DHX37: variants seen among roughly 807,000 people sequenced by gnomAD.
DHX37 encodes the protein DEAH-box helicase 37.
In DHX37, 52 loss-of-function variants were observed where a neutral mutation model predicts 134.3. The ratio of observed to expected loss-of-function variants is 0.39; its 90% CI spans 0.31 to 0.49. The LOEUF (loss-of-function observed/expected upper bound fraction) is 0.49, where lower values mean the gene tolerates loss of function less well. DHX37 is among the 20% of genes least tolerant of loss of function. The probability of loss-of-function intolerance (pLI) is 0.93; values close to 1 mark genes in which losing one functional copy is unlikely to be tolerated. For missense variants in DHX37, 1,344 were observed against 1,580.8 expected (o/e 0.85, Z 2.54); for synonymous variants, 634 against 670.7 (o/e 0.95, Z 0.85).
At chr12:124,981,713 G>A (rs920102701) in intron 3 of DHX37, among the ~76,000 whole-genome samples, 12 of 151,874 alleles carry the variant, frequency 7.9e-5, no homozygotes, top group African/African-American at 2.7e-4. Context: ...AGGATTACAG[G>A]TATGAGCCAC....
chr12:124,976,641 A>T (rs182990770), intron 5 of DHX37, among the ~76,000 whole-genome samples: 2,580 of 152,212 alleles, frequency 0.017, 70 homozygotes, highest in African/African-American at 0.059. Flanking sequence ...CATCCCGGCT[A>T]ACATGGTGAA....
intron 18 of DHX37, among the ~76,000 whole-genome samples, chr12:124,954,895 TATC>T (rs772932267): frequency 6.6e-6 from 1 of 152,184 alleles, no homozygotes; most frequent in African/African-American, 2.4e-5. Flanking sequence ...TTATTATCAT[TATC>T]ATCATCCCCA....
intron 12 of DHX37, among the ~76,000 whole-genome samples, chr12:124,966,322 T>C (rs1954386659): frequency 6.6e-6 from 1 of 152,158 alleles, no homozygotes; most frequent in Non-Finnish European, 1.5e-5. Flanking sequence ...CCTGCCTCAG[T>C]CTCCCAAAGT....
Position 124,980,350 on chromosome 12 carries a change from G to A in DHX37, c.738+140C>T, listed in dbSNP as rs1954731943. 4.1e-6 allele frequency: 4 copies of A among 983,256 alleles called. No individual in the cohort carries two copies. In the South Asian group the frequency reaches 7.1e-5, roughly 17 times the overall value. The allele number at this position is 983,256 out of a possible 1,614,324, so 60.9% of individuals were successfully genotyped here. A position where few individuals can be genotyped will look rare whatever the true frequency, so the allele number is the denominator to read the frequency against. On this transcript the variant is annotated intron_variant, in intron 4 of 26. Transcript: ENST00000308736. The surrounding 1 kb of genome is among the most constrained non-coding windows in gnomAD (Gnocchi z 5.3). ...AATCCCTGCCACAGCCTCAAGGGAG[G>A]CGCAGTCACTCTCCCCTTTCCCAGA... is the stretch of plus-strand genomic sequence containing the variant.
At chr12:124,975,258 G>A (rs1200251274) in intron 6 of DHX37, among the ~76,000 whole-genome samples, 161 bp downstream of exon 6, 2 of 152,166 alleles carry the variant, frequency 1.3e-5, no homozygotes, top group Non-Finnish European at 2.9e-5. Context: ...GGCAGGTCCT[G>A]GAAAGTTCTC....
chr12:124,954,271 G>C (rs370360134), intron 18 of DHX37, 60 bp from the exon 19 acceptor site: 10 of 1,513,288 alleles, frequency 6.6e-6, no homozygotes, highest in East Asian at 4.6e-5. Context: ...GGGCCTCAGC[G>C]GGGGGAACTC....
chr12:124,984,522 A>G (rs1954826742), intron 2 of DHX37, among the ~76,000 whole-genome samples: 2 of 152,296 alleles, frequency 1.3e-5, no homozygotes, highest in South Asian at 4.1e-4. Flanking sequence ...AACAAGAGCA[A>G]AACTCCATCT....
chr12:124,962,238 T>C (rs533068912), intron 15 of DHX37, among the ~76,000 whole-genome samples: 20 of 151,996 alleles, frequency 1.3e-4, no homozygotes, highest in Admixed American at 3.9e-4. Context: ...ACAAAAATAT[T>C]AAAAATAAGT....
chr12:124,961,199 CAT>C (rs1376339708), intron 15 of DHX37, among the ~76,000 whole-genome samples: 2 of 117,128 alleles, frequency 1.7e-5, no homozygotes, highest in African/African-American at 5.9e-5. Flanking sequence ...CACACACACA[CAT>C]ACACGTGTGC....
chr12:124,952,424 C>T lies in DHX37; in HGVS notation c.2842G>A (p.Glu948Lys), dbSNP rs1953993264. Residue 948 changes from glutamate to lysine, a missense_variant, in exon 21 of 27, where the codon GAG becomes AAG. Glu to Lys is a moderately conservative substitution (Grantham distance 56). Transcript: ENST00000308736. ...ARRVQSEEML[E>K]DKWRNAYKTP... ...TTGTAGGCGTTCCTCCACTTGTCCT[C>T]CAGCATCTCCTCGCTCTGGACCCTG... The T allele has an allele frequency of 1.9e-6, 3 of 1,610,640 alleles. No individual in the cohort carries two copies. Among genetic ancestry groups the T allele is most frequent in the South Asian group, 1.1e-5 (1 of 90,800 alleles).
chr12:124,987,757 CA>C (rs751494912), intron 1 of DHX37, among the ~76,000 whole-genome samples: 1 of 152,192 alleles, frequency 6.6e-6, no homozygotes, highest in Non-Finnish European at 1.5e-5. Flanking sequence ...GCTTTAGGAA[CA>C]TCTGTATTCT....
chr12:124,964,181 G>A (rs539364904), intron 15 of DHX37, among the ~76,000 whole-genome samples: 3 of 116,924 alleles, frequency 2.6e-5, no homozygotes, highest in East Asian at 6.9e-4. Context: ...GGTGACAAGA[G>A]TGAAACTCCA....
In DHX37 at chr12:124,988,992, T is replaced by C; in HGVS notation, c.31A>G (p.Lys11Glu). 1 of 1,369,972 alleles carries C rather than the reference T, an allele frequency of 7.3e-7. No individual in the cohort carries two copies. Among genetic ancestry groups the C allele is most frequent in the Non-Finnish European group, 9.5e-7 (1 of 1,054,124 alleles). The allele number at this position is 1,369,972 out of a possible 1,614,324, so 84.9% of individuals were successfully genotyped here. The change falls in exon 1 of 27, where the codon AAG (lysine) becomes GAG (glutamate). Residue 11 changes from lysine (K) to glutamate (E), a missense_variant. Physicochemically the swap from Lys to Glu is moderately conservative, Grantham distance 56. This residue lies in a region of DHX37 where 319 missense variants were observed against 296.1 expected (regional missense o/e 1.08). Coordinates refer to ENST00000308736, the MANE Select transcript of DHX37 (RefSeq NM_032656.4). Reference protein sequence around the residue: MGKLRRRYNIKGRQQAGPGPS... With the variant: MGKLRRRYNIEGRQQAGPGPS... ...CCGGGGCCCGCCTGCTGGCGCCCCTTGATGTTGTAGCGCCGGCGCAGCTTC... is the reference window on the plus strand; with the variant it reads ...CCGGGGCCCGCCTGCTGGCGCCCCTCGATGTTGTAGCGCCGGCGCAGCTTC...
intron 2 of DHX37, among the ~76,000 whole-genome samples, chr12:124,984,349 A>G (rs1371081840): frequency 6.6e-6 from 1 of 152,160 alleles, no homozygotes; most frequent in Admixed American, 6.5e-5. Flanking sequence ...CCTGACCAAC[A>G]TGGAGAAACC....
chr12:124,971,007 G>T (rs1438796111), intron 8 of DHX37, among the ~76,000 whole-genome samples: 1 of 152,360 alleles, frequency 6.6e-6, no homozygotes, highest in East Asian at 1.9e-4. Context: ...GCCCCATTGC[G>T]CCTGGCAAGG....
chr12:124,982,399 C>T, intron 3 of DHX37, 112 bp downstream of exon 3: 1 of 1,405,346 alleles, frequency 7.1e-7, no homozygotes, highest in Non-Finnish European at 9.6e-7. Context: ...ACTCAGGCCA[C>T]CATAAAGGTA....
chr12:124,950,433 C>A lies in DHX37; in HGVS notation c.3101G>T (p.Cys1034Phe). The stretch of plus-strand genomic sequence containing the variant: ...CTCACAGAACACGCTGGCCCGGTGA[C>A]ACAGCACCCGCCCCCGCTCGGGGCA... ...TYCPERGRVL[C>F]HRASVFYRVG... Residue 1034 changes from cysteine (C) to phenylalanine (F), a missense_variant, in exon 23 of 27, where the codon TGT (cysteine) becomes TTT (phenylalanine). This residue lies in a region of DHX37 where 558 missense variants were observed against 650.0 expected (regional missense o/e 0.86). Coordinates refer to ENST00000308736, the MANE Select transcript of DHX37 (RefSeq NM_032656.4). 6.3e-7 allele frequency: 1 copy of A among 1,596,844 alleles called. No homozygotes were observed. The highest frequency in any genetic ancestry group is 8.5e-7 in the Non-Finnish European group (1 of 1,171,274).
At position 124,964,702 on chromosome 12, in the gene DHX37, A is replaced by G. The variant is rs1954341493; in HGVS notation, c.1813-76T>C. The G allele has an allele frequency of 1.9e-6, 3 of 1,573,784 alleles. No homozygotes were observed. The East Asian group carries it at 6.8e-5, about 36-fold the overall frequency. ...TCGTGGAATGGAGGCTCAAGGACAA[A>G]GCCAGCCAGGCTGGTGTGCTGGAGA... On this transcript the variant is annotated intron_variant, in intron 14 of 26. Coordinates refer to ENST00000308736, the MANE Select transcript of DHX37 (RefSeq NM_032656.4).
chr12:124,982,455 C>T, intron 3 of DHX37, 56 bp downstream of exon 3: 1 of 1,600,832 alleles, frequency 6.2e-7, no homozygotes, highest in Non-Finnish European at 8.5e-7. Context: ...ACCTGTGCGC[C>T]CTCCCTAGGG....
Sources: allele counts gnomAD v4.1 joint callset (sites outside exome capture counted in the v4.1 genomes callset), GRCh38; gene constraint gnomAD v4.1.1; regional missense constraint gnomAD v4.1.1; non-coding constraint Gnocchi (gnomAD v3.1); transcripts MANE v1.5; gene names NCBI Gene and HGNC (gene_info 2026-07-23, HGNC 2026-07-21).